The following ATG7 variants were observed in gnomAD, a reference collection of about 807,000 sequenced individuals.
ATG7 encodes ubiquitin-like modifier-activating enzyme ATG7.
ATG7 carries 70 observed loss-of-function variants against 82.4 expected under a neutral mutation model. That is an observed-to-expected ratio of 0.85 (90% CI 0.70 to 1.04). ATG7 has a LOEUF of 1.04. Among genes scored for constraint, ATG7 ranks in the 50% least tolerant of loss-of-function variants. The pLI, the probability that ATG7 is intolerant of heterozygous loss-of-function variation, is 0.00. For synonymous variants in ATG7, 287 were observed against 313.0 expected, an observed-to-expected ratio of 0.92 and a Z score of 0.88; for missense variants, 792 against 864.3, an observed-to-expected ratio of 0.92 and a Z score of 1.05.
At chr3:11,370,453 A>G (rs1278745489) in intron 18 of ATG7, among the ~76,000 whole-genome samples, 2 of 151,142 alleles carry the variant, frequency 1.3e-5, no homozygotes, top group African/African-American at 2.4e-5. Flanking sequence ...TTGGCATTGA[A>G]CTTGATTAAG....
chr3:11,563,809 T>A, the ATG7 span, among the ~76,000 whole-genome samples: 1 of 152,184 alleles, frequency 6.6e-6, no homozygotes, highest in East Asian at 1.9e-4. Flanking sequence ...CATGTCAGGC[T>A]CTGAGGCAAG....
chr3:11,507,952 T>TAAAA (rs34637587), intron 20 of ATG7, among the ~76,000 whole-genome samples: 2 of 148,060 alleles, frequency 1.4e-5, no homozygotes, highest in African/African-American at 5.0e-5. Context: ...TGCTGGTAAT[T>TAAAA]AAAAAAAAAA....
At position 11,411,619 on chromosome 3, in the gene ATG7, C is replaced by CAAAAAAAAAAAAAAA. The variant is rs71055868; in HGVS notation, c.1957-15170_1957-15156dup. ...TGGTGACACAGCAAGACTCTGTCTC[C>CAAAAAAAAAAAAAAA]AAAAAAAAAAAAAAAAAAAAAAAAA... On this transcript the variant is annotated intron_variant, in intron 19 of 20. Coordinates refer to ENST00000693202, the MANE Select transcript of ATG7 (RefSeq NM_001349232.2). Among the ~76,000 whole-genome samples the CAAAAAAAAAAAAAAA allele has an allele frequency of 1.5e-4, 11 of 71,750 alleles. 2 individuals carry two copies. The highest frequency in any genetic ancestry group is 2.1e-4 in the Non-Finnish European group (7 of 34,086). 47.1% of individuals were successfully genotyped at this position (71,750 alleles called of 152,430 possible). A position where few individuals can be genotyped will look rare whatever the true frequency, so the allele number is the denominator to read the frequency against.
chr3:11,562,560 G>C (rs1159473566), downstream of ATG7, among the ~76,000 whole-genome samples: 1 of 152,236 alleles, frequency 6.6e-6, no homozygotes, highest in Admixed American at 6.5e-5. Context: ...AAGAGACCTC[G>C]GAGCTGCTGG....
chr3:11,452,959 C>T (rs572557545), intron 20 of ATG7, among the ~76,000 whole-genome samples: 3 of 152,266 alleles, frequency 2.0e-5, no homozygotes, highest in South Asian at 2.1e-4. Context: ...TGGGCTGTAG[C>T]GAGCACAGTA....
chr3:11,543,222 C>T (rs2125033081), intron 20 of ATG7, among the ~76,000 whole-genome samples: 1 of 152,358 alleles, frequency 6.6e-6, no homozygotes, highest in Middle Eastern at 3.4e-3. Context: ...GCCGCCTTGG[C>T]CATGACTGTC....
chr3:11,571,673 TAAAA>T, the ATG7 span, among the ~76,000 whole-genome samples: 1 of 151,958 alleles, frequency 6.6e-6, no homozygotes, highest in Non-Finnish European at 1.5e-5. Flanking sequence ...TCTCAGGAAA[TAAAA>T]ATAAAATACT....
chr3:11,358,289 C>A, intron 14 of ATG7, 129 bp from the exon 15 acceptor site: 1 of 893,878 alleles, frequency 1.1e-6, no homozygotes, highest in Non-Finnish European at 1.7e-6. Context: ...AAGGGTGCAG[C>A]ATAATAGTGC....
intron 16 of ATG7, among the ~76,000 whole-genome samples, chr3:11,362,522 G>T (rs1575706334): frequency 6.6e-6 from 1 of 152,340 alleles, no homozygotes; most frequent in East Asian, 1.9e-4. Context: ...AGGAACACAT[G>T]ATGCAGTTCC....
At position 11,519,539 on chromosome 3, in the gene ATG7, G is replaced by GTTTTTTTTTTT. The variant is rs574523805; in HGVS notation, c.2080-35244_2080-35234dup. Among the ~76,000 whole-genome samples the GTTTTTTTTTTT allele has an allele frequency of 4.8e-5, 3 of 62,210 alleles. 1 individual carries two copies. Among genetic ancestry groups the GTTTTTTTTTTT allele is most frequent in the African/African-American group, 1.5e-4 (3 of 19,678 alleles). The allele number at this position is 62,210 out of a possible 152,430, so 40.8% of individuals were successfully genotyped here. A position where few individuals can be genotyped will look rare whatever the true frequency, so the allele number is the denominator to read the frequency against. On this transcript the variant is annotated intron_variant, in intron 20 of 20. Coordinates refer to ENST00000693202, the MANE Select transcript of ATG7 (RefSeq NM_001349232.2). ...TCATGAAAGGCAGGCAGTGAGAGGA[G>GTTTTTTTTTTT]TTTTTTTTTTTTTTTTTTTTTTTTT...
chr3:11,369,095 G>A (rs1046897345), intron 18 of ATG7, among the ~76,000 whole-genome samples: 1 of 150,738 alleles, frequency 6.6e-6, no homozygotes, highest in Non-Finnish European at 1.5e-5. Context: ...GCCATATCTC[G>A]GGATATTTGG....
At chr3:11,414,485 A>C (rs1009186893) in intron 19 of ATG7, among the ~76,000 whole-genome samples, 6 of 152,206 alleles carry the variant, frequency 3.9e-5, no homozygotes. Context: ...CAGGCATGTC[A>C]TCTATGAACA....
chr3:11,339,071 T>C (rs957512964), intron 11 of ATG7, among the ~76,000 whole-genome samples: 5 of 151,582 alleles, frequency 3.3e-5, no homozygotes, highest in Non-Finnish European at 5.9e-5. Flanking sequence ...CCAAGGCGGG[T>C]GGATCACGAG....
At chr3:11,372,010 T>C (rs2077031455) in intron 18 of ATG7, among the ~76,000 whole-genome samples, 1 of 151,386 alleles carries the variant, frequency 6.6e-6, no homozygotes, top group Non-Finnish European at 1.5e-5. Flanking sequence ...AAACGACCTA[T>C]TCTGATGCTT....
chr3:11,283,762 A>G (rs745466985), intron 3 of ATG7, among the ~76,000 whole-genome samples: 1 of 151,768 alleles, frequency 6.6e-6, no homozygotes, highest in Non-Finnish European at 1.5e-5. Flanking sequence ...ACAAAGCAAA[A>G]CCCTACTAAA....
At position 11,556,163 on chromosome 3, in the gene ATG7, A is replaced by C. The variant is rs2072383878; in HGVS notation, c.*1320A>C. 6.6e-6 allele frequency: 1 copy of C among 152,640 alleles called. No individual in the cohort carries two copies. Among genetic ancestry groups the C allele is most frequent in the Non-Finnish European group, 1.5e-5 (1 of 68,026 alleles). The allele number at this position is 152,640 out of a possible 1,614,324, so 9.5% of individuals were successfully genotyped here. ...CTTTTTTTTTCTTCTTCCAGGAAAA[A>C]CAGGCCACAGAGAATGGTATATTAC... On this transcript the variant is annotated 3_prime_UTR_variant, in exon 21 of 21. Transcript: ENST00000693202.
intron 20 of ATG7, among the ~76,000 whole-genome samples, chr3:11,428,177 T>C (rs2082536865): frequency 6.6e-6 from 1 of 152,210 alleles, no homozygotes. Flanking sequence ...TCTTGTCAAA[T>C]GATTGCATGG....
chr3:11,429,759 G>T (rs918459721), intron 20 of ATG7, among the ~76,000 whole-genome samples: 1 of 151,984 alleles, frequency 6.6e-6, no homozygotes, highest in Non-Finnish European at 1.5e-5. Flanking sequence ...ACCAGCCTGG[G>T]CAACACGGCG....
At chr3:11,566,980 G>C in the ATG7 span, among the ~76,000 whole-genome samples, 2 of 152,172 alleles carry the variant, frequency 1.3e-5, no homozygotes, top group African/African-American at 4.8e-5. Context: ...TGGAGAGCTG[G>C]AGGGCTGAGG....
Sources: gnomAD v4.1 joint callset for allele counts (sites outside exome capture counted in the v4.1 genomes callset) on GRCh38, gnomAD v4.1.1 for gene constraint, MANE v1.5 for transcripts, NCBI Gene and HGNC (gene_info 2026-07-23, HGNC 2026-07-21) for gene names.